Variants in MS4A6E observed in about 807,000 individuals in gnomAD.
The protein encoded by MS4A6E is membrane-spanning 4-domains subfamily A member 6E.
A neutral mutation model predicts 13.2 loss-of-function variants in MS4A6E; 8 were observed. The ratio of observed to expected loss-of-function variants is 0.60; its 90% CI spans 0.35 to 1.09. The LOEUF is 1.09. Ranked by LOEUF, MS4A6E falls within the 50% of genes least tolerant of loss-of-function variation. MS4A6E has a pLI of 0.02. For synonymous variants in MS4A6E, 72 were observed against 67.6 expected, an observed-to-expected ratio of 1.06 and a Z score of -0.32; for missense variants, 177 against 171.1, an observed-to-expected ratio of 1.03 and a Z score of -0.19.
chr11:60,345,302 G>T (rs935775455), downstream of MS4A6E, among the ~76,000 whole-genome samples: 1 of 152,186 alleles, frequency 6.6e-6, no homozygotes, highest in African/African-American at 2.4e-5. Flanking sequence ...GGCACCATGA[G>T]CATGGAGAAC....
chr11:60,329,706 C>T (rs1393709823), intron 1 of MS4A6E, among the ~76,000 whole-genome samples: 1 of 151,938 alleles, frequency 6.6e-6, no homozygotes, highest in Non-Finnish European at 1.5e-5. Context: ...GAGATGGTAT[C>T]TATTGTGGTT....
At chr11:60,345,904 C>T (rs1322882487), downstream of MS4A6E, among the ~76,000 whole-genome samples, 1 of 152,080 alleles carries the variant, frequency 6.6e-6, no homozygotes, top group Non-Finnish European at 1.5e-5. Context: ...CCTGAGATGC[C>T]CCTCACGTTC....
At chr11:60,338,910 T>G in intron 3 of MS4A6E, among the ~76,000 whole-genome samples, 1 of 152,276 alleles carries the variant, frequency 6.6e-6, no homozygotes, top group South Asian at 2.1e-4. Flanking sequence ...CTGACAGTAA[T>G]TGGTACAAAT....
In MS4A6E at chr11:60,328,959, C is replaced by T. The variant is rs534389139; in HGVS notation, c.-15+1551C>T. Among the ~76,000 whole-genome samples the T allele has an allele frequency of 6.6e-5, 10 of 152,194 alleles. No homozygotes were observed. In the South Asian group the frequency reaches 8.3e-4, roughly 13 times the overall value. On this transcript the variant is annotated intron_variant, in intron 1 of 4. Transcript: ENST00000684409. ...CTCTTGCCACACATAGAAATACAAA[C>T]GAGTGACTATTTGAAATAATAGATA...
Position 60,330,427 on chromosome 11 carries a change from C to T in MS4A6E, c.-15+3019C>T, listed in dbSNP as rs1306992186. ...CGCGATCTCGGCTCACTGCAAGCTC[C>T]GCCTCCCGGGTTCACACCATTCTCC... On this transcript the variant is annotated intron_variant, in intron 1 of 4. Transcript: ENST00000684409. Among the ~76,000 whole-genome samples the T allele has an allele frequency of 2.6e-4, 36 of 137,188 alleles. 1 individual carries two copies. Among genetic ancestry groups the T allele is most frequent in the Middle Eastern group, 3.8e-3 (1 of 266 alleles). The allele number at this position is 137,188 out of a possible 152,430, so 90.0% of individuals were successfully genotyped here.
At chr11:60,338,295 C>A (rs1261131606) in intron 3 of MS4A6E, among the ~76,000 whole-genome samples, 1 of 152,022 alleles carries the variant, frequency 6.6e-6, no homozygotes, top group East Asian at 1.9e-4. Flanking sequence ...GCAAACAGAG[C>A]AGAAAGACCC....
intron 1 of MS4A6E, among the ~76,000 whole-genome samples, chr11:60,332,281 G>C (rs950804377): frequency 2.0e-5 from 3 of 152,140 alleles, no homozygotes; most frequent in Non-Finnish European, 2.9e-5. Context: ...AGTTACAACT[G>C]AAAGACGGAA....
In MS4A6E at chr11:60,335,826, T is replaced by C. The variant is rs532975127; in HGVS notation, c.147+784T>C. Among the ~76,000 whole-genome samples the C allele has an allele frequency of 2.6e-4, 39 of 152,356 alleles. No homozygotes were observed. In the East Asian group the frequency reaches 3.3e-3, roughly 13 times the overall value. On this transcript the variant is annotated intron_variant, in intron 2 of 4. Coordinates refer to ENST00000684409, the MANE Select transcript of MS4A6E (RefSeq NM_139249.4). ...GATGTCAGGAAGGAAAACTACCTCC[T>C]AAGACAGAGCTTCAGTTATACATGA...
chr11:60,335,779 A>C, intron 2 of MS4A6E: 2 of 321,394 alleles, frequency 6.2e-6, no homozygotes, highest in Non-Finnish European at 6.1e-6. Context: ...AAATGATAAT[A>C]GAGCTGTGAA....
At position 60,347,651 on chromosome 11, in the gene MS4A6E, T is replaced by G. The variant is rs115133408; in HGVS notation, c.*162+6723T>G. The stretch of plus-strand genomic sequence containing the variant: ...TGACACAGGGTGGAGGCGAAGACAG[T>G]GAGGGCATCCACCCTACTGTTTTCT... On this transcript the variant is annotated intron_variant and NMD_transcript_variant, in intron 4 of 4. Transcript: ENST00000532756. 5.2e-3 allele frequency among the ~76,000 whole-genome samples: 789 copies of G among 151,826 alleles called. 10 individuals are homozygous for G. The highest frequency in any genetic ancestry group is 0.018 in the African/African-American group (752 of 41,392).
downstream of MS4A6E, among the ~76,000 whole-genome samples, chr11:60,342,472 G>T (rs1412703754): frequency 7.2e-6 from 1 of 139,792 alleles, no homozygotes; most frequent in Non-Finnish European, 1.6e-5. Flanking sequence ...TGGATTTCTG[G>T]GTTTGGGGCA....
chr11:60,348,189 G>T (rs1161775532), intron 4 of MS4A6E, among the ~76,000 whole-genome samples: 5 of 152,130 alleles, frequency 3.3e-5, no homozygotes, highest in African/African-American at 1.2e-4. Context: ...TCCATTCACA[G>T]AAGGAGCATA....
downstream of MS4A6E, among the ~76,000 whole-genome samples, chr11:60,342,198 AGAGG>A (rs1284999756): frequency 9.2e-4 from 104 of 112,684 alleles, 1 homozygote; most frequent in Middle Eastern, 0.043. Flanking sequence ...AGAGAGAGAG[AGAGG>A]GGGGGGGAGA....
At chr11:60,330,731 A>G (rs1043185083) in intron 1 of MS4A6E, among the ~76,000 whole-genome samples, 2 of 152,064 alleles carry the variant, frequency 1.3e-5, no homozygotes, top group South Asian at 4.1e-4. Flanking sequence ...GTTTTCTTCT[A>G]TGGTTTTTAT....
chr11:60,340,277 T>C (rs777744449), intron 4 of MS4A6E, among the ~76,000 whole-genome samples: 2 of 152,204 alleles, frequency 1.3e-5, no homozygotes, highest in African/African-American at 2.4e-5. Flanking sequence ...TATGAGTCTG[T>C]ACCTGTGCTG....
At chr11:60,342,144 A>ATTGT (rs2085229171), downstream of MS4A6E, among the ~76,000 whole-genome samples, 1 of 125,412 alleles carries the variant, frequency 8.0e-6, no homozygotes, top group South Asian at 3.0e-4. Context: ...AGGATAAACA[A>ATTGT]GTGTGTGTGT....
In MS4A6E at chr11:60,340,948, C is replaced by A. The variant is rs1334051538; in HGVS notation, c.*182C>A. The A allele has an allele frequency of 1.3e-5, 2 of 152,508 alleles. No individual in the cohort carries two copies. Among genetic ancestry groups the A allele is most frequent in the Non-Finnish European group, 2.9e-5 (2 of 68,034 alleles). The allele number at this position is 152,508 out of a possible 1,614,324, so 9.4% of individuals were successfully genotyped here. A position where few individuals can be genotyped will look rare whatever the true frequency, so the allele number is the denominator to read the frequency against. On this transcript the variant is annotated 3_prime_UTR_variant, in exon 5 of 5. Transcript: ENST00000684409. ...CTAAATGTAAGCATTTAAAGTAATG[C>A]ATATTTGTTTTAAAAAATTATTTCG... is the stretch of plus-strand genomic sequence containing the variant.
chr11:60,328,801 A>C (rs2085135621), intron 1 of MS4A6E, among the ~76,000 whole-genome samples: 1 of 152,188 alleles, frequency 6.6e-6, no homozygotes, highest in Non-Finnish European at 1.5e-5. Flanking sequence ...AGGGGAGAGC[A>C]GCAGGTCAAA....
Position 60,340,976 on chromosome 11 carries a change from G to A in MS4A6E, c.*210G>A, listed in dbSNP as rs1480271856. The A allele has an allele frequency of 6.6e-6, 1 of 152,244 alleles. No homozygotes were observed. Among genetic ancestry groups the A allele is most frequent in the African/African-American group, 2.4e-5 (1 of 41,430 alleles). 9.4% of individuals were successfully genotyped at this position (152,244 alleles called of 1,614,324 possible). On this transcript the variant is annotated 3_prime_UTR_variant, in exon 5 of 5. Transcript: ENST00000684409. ...ATTTGTTTTAAAAAATTATTTCGCT[G>A]TCATTTATGATATGTGTTCATTGGG...
Sources: allele counts gnomAD v4.1 joint callset (sites outside exome capture counted in the v4.1 genomes callset), GRCh38; gene constraint gnomAD v4.1.1; transcripts MANE v1.5; gene names NCBI Gene and HGNC (gene_info 2026-07-23, HGNC 2026-07-21).